RGMA: variants seen among roughly 807,000 people sequenced by gnomAD.
RGMA encodes the protein repulsive guidance molecule A.
In RGMA, 10 loss-of-function variants were observed where a neutral mutation model predicts 23.2. The observed-to-expected ratio is 0.43, with a 90% CI of 0.27 to 0.73. The LOEUF (loss-of-function observed/expected upper bound fraction) is 0.73. Ranked by LOEUF, RGMA falls within the 30% of genes least tolerant of loss-of-function variation. The pLI, the probability that RGMA is intolerant of heterozygous loss-of-function variation, is 0.20. For synonymous variants in RGMA, 308 were observed against 279.3 expected (o/e 1.10, Z -1.03); for missense variants, 547 against 630.5 (o/e 0.87, Z 1.42).
chr15:93,072,948 G>T lies in RGMA; in HGVS notation c.98C>A (p.Thr33Asn), dbSNP rs746059988. 1.2e-6 allele frequency: 2 copies of T among 1,610,926 alleles called. No individual in the cohort carries two copies. Among genetic ancestry groups the T allele is most frequent in the Admixed American group, 3.3e-5 (2 of 59,806 alleles). ...GAAGCTGCAGAGAAGGAAGGCGAGG[G>T]TCGGCCAGAATCCCAGGGCTGAACG... is the stretch of plus-strand genomic sequence containing the variant. ...AGRSALGFWP[T>N]LAFLLCSFPA... Residue 33 changes from threonine to asparagine, a missense_variant, in exon 2 of 4, where the codon ACC becomes AAC. Transcript: ENST00000329082.
Position 93,066,609 on chromosome 15 carries a change from G to C in RGMA, c.130+6307C>G, listed in dbSNP as rs536648315. 6.6e-6 allele frequency: 3 copies of C among 453,148 alleles called. No homozygotes were observed. In the East Asian group the frequency reaches 2.0e-4, roughly 30 times the overall value. 28.1% of individuals were successfully genotyped at this position (453,148 alleles called of 1,614,324 possible). ...CGCTACCACCCCGGGCATCGTCGCC[G>C]TGGGGACTGCCGTCACCACCGCCGC... is the stretch of plus-strand genomic sequence containing the variant. On this transcript the variant is annotated intron_variant, in intron 2 of 3. Coordinates refer to ENST00000329082, the MANE Select transcript of RGMA (RefSeq NM_020211.3).
chr15:93,068,187 A>G (rs1429327222), intron 2 of RGMA, among the ~76,000 whole-genome samples: 3 of 152,212 alleles, frequency 2.0e-5, no homozygotes, highest in Non-Finnish European at 4.4e-5. Context: ...AAACTGGGAT[A>G]AGTTGGCTAC....
In RGMA at chr15:93,039,034, C is replaced by G. The variant is rs958599101; in HGVS notation, c.*5964G>C. ...AACCTGGGTGGGCACCATCTAATCACCTGCCAGCGAGGCTAGGATAAAAGC... is the reference window on the plus strand; with the variant it reads ...AACCTGGGTGGGCACCATCTAATCAGCTGCCAGCGAGGCTAGGATAAAAGC... On this transcript the variant is annotated 3_prime_UTR_variant, in exon 4 of 4. Coordinates refer to ENST00000329082, the MANE Select transcript of RGMA (RefSeq NM_020211.3). The G allele has an allele frequency of 5.3e-5, 8 of 152,206 alleles. No homozygotes were observed. Among genetic ancestry groups the G allele is most frequent in the African/African-American group, 1.9e-4 (8 of 41,440 alleles). The allele number at this position is 152,206 out of a possible 1,614,324, so 9.4% of individuals were successfully genotyped here. A position where few individuals can be genotyped will look rare whatever the true frequency, so the allele number is the denominator to read the frequency against.
chr15:93,083,641 T>C (rs890647551), intron 1 of RGMA, among the ~76,000 whole-genome samples: 2 of 152,232 alleles, frequency 1.3e-5, no homozygotes, highest in African/African-American at 4.8e-5. Flanking sequence ...GAGAAGCATT[T>C]TGAAATCAGT....
intron 2 of RGMA, among the ~76,000 whole-genome samples, chr15:93,067,156 G>A (rs1033863150): frequency 6.6e-5 from 10 of 152,186 alleles, no homozygotes; most frequent in Non-Finnish European, 1.2e-4. Context: ...GGTTGTCTGT[G>A]GGAGGTTGGA....
intron 3 of RGMA, among the ~76,000 whole-genome samples, chr15:93,049,479 T>C (rs551969143): frequency 1.8e-4 from 27 of 152,264 alleles, no homozygotes; most frequent in African/African-American, 6.3e-4. Context: ...AAGAGGGTGA[T>C]GGAGCAGGAG....
chr15:93,059,839 A>G (rs761086652), intron 2 of RGMA, among the ~76,000 whole-genome samples: 6 of 152,232 alleles, frequency 3.9e-5, no homozygotes, highest in Non-Finnish European at 7.3e-5. Flanking sequence ...TATGTGCTGT[A>G]TCTTTATAAA....
rs1434568431 is a variant in RGMA, at chr15:93,037,452, G to A, written c.*7546C>T. 1 of 152,432 alleles carries A rather than the reference G, an allele frequency of 6.6e-6. No individual in the cohort carries two copies. Among genetic ancestry groups the A allele is most frequent in the Non-Finnish European group, 1.5e-5 (1 of 68,200 alleles). The allele number at this position is 152,432 out of a possible 1,614,324, so 9.4% of individuals were successfully genotyped here. A position where few individuals can be genotyped will look rare whatever the true frequency, so the allele number is the denominator to read the frequency against. On this transcript the variant is annotated 3_prime_UTR_variant, in exon 4 of 4. Coordinates refer to ENST00000329082, the MANE Select transcript of RGMA (RefSeq NM_020211.3). The surrounding 1 kb of genome is among the most constrained non-coding windows in gnomAD (Gnocchi z 4.3). ...GGCGGGGTAGGGTGGGGCTGGTCCA[G>A]TGGACAGAGCTCTTGCATCGTTTCC...
chr15:93,082,723 C>T (rs1895578134), intron 1 of RGMA, among the ~76,000 whole-genome samples: 1 of 152,174 alleles, frequency 6.6e-6, no homozygotes, highest in South Asian at 2.1e-4. Flanking sequence ...AACAATCTCC[C>T]CCATCCATCC....
At chr15:93,065,668 T>A (rs1430659779) in intron 2 of RGMA, 1 of 1,087,450 alleles carries the variant, frequency 9.2e-7, no homozygotes, top group Non-Finnish European at 1.4e-6. Context: ...GGCCGGGGCC[T>A]GCTGCCCTCT....
Position 93,036,398 on chromosome 15 carries a change from G to A in RGMA, c.*8600C>T, listed in dbSNP as rs1180025711. The A allele has an allele frequency of 1.3e-5, 2 of 152,248 alleles. No individual in the cohort carries two copies. The highest frequency in any genetic ancestry group is 2.9e-5 in the Non-Finnish European group (2 of 68,058). 9.4% of individuals were successfully genotyped at this position (152,248 alleles called of 1,614,324 possible). ...TTAAGGGATTAATCTGAGATCATTA[G>A]CAGAGAAAGGGAAGGTCAAGTCCAC... On this transcript the variant is annotated 3_prime_UTR_variant, in exon 4 of 4. Transcript: ENST00000329082.
intron 2 of RGMA, among the ~76,000 whole-genome samples, chr15:93,054,897 AG>A (rs2054988416): frequency 6.6e-6 from 1 of 152,174 alleles, no homozygotes; most frequent in Admixed American, 6.5e-5. Flanking sequence ...ACCTACCTGT[AG>A]GCTTTGAAAT....
At chr15:93,048,091 G>A (rs952807006) in intron 3 of RGMA, among the ~76,000 whole-genome samples, 8 of 152,200 alleles carry the variant, frequency 5.3e-5, no homozygotes, top group Non-Finnish European at 8.8e-5. Context: ...GAGGCCTGAG[G>A]CCTGGAAAGG....
chr15:93,065,461 A>G, intron 2 of RGMA: 1 of 432,402 alleles, frequency 2.3e-6, no homozygotes, highest in East Asian at 5.0e-5. Context: ...GAAAAGATGA[A>G]AAGCTGGTAT....
intron 2 of RGMA, among the ~76,000 whole-genome samples, chr15:93,053,999 G>A (rs563187129): frequency 1.8e-4 from 28 of 152,230 alleles, no homozygotes; most frequent in Non-Finnish European, 2.6e-4. Flanking sequence ...GGAGGCCGAG[G>A]CAGGCAGATC....
At position 93,045,812 on chromosome 15, in the gene RGMA, G is replaced by T; in HGVS notation, c.646-107C>A. The T allele has an allele frequency of 1.3e-6, 1 of 786,646 alleles. No homozygotes were observed. Among genetic ancestry groups the T allele is most frequent in the Non-Finnish European group, 2.1e-6 (1 of 480,902 alleles). 48.7% of individuals were successfully genotyped at this position (786,646 alleles called of 1,614,324 possible). On this transcript the variant is annotated intron_variant, in intron 3 of 3. Transcript: ENST00000329082. This position sits in a 1 kb window ranked among gnomAD's most constrained non-coding sequence, Gnocchi z 6.9. ...AGAGGAGGGCAGGAAGGATCCCCAG[G>T]GATGCCCCAGACACTCCCTTCTCCA...
chr15:93,084,357 T>A (rs114261372), intron 1 of RGMA, among the ~76,000 whole-genome samples: 211 of 152,370 alleles, frequency 1.4e-3, no homozygotes, highest in African/African-American at 4.8e-3. Context: ...GGCAAGGCAT[T>A]CATCAGCAAG....
At chr15:93,050,140 T>C (rs563123825) in intron 3 of RGMA, among the ~76,000 whole-genome samples, 2 of 152,322 alleles carry the variant, frequency 1.3e-5, no homozygotes, top group East Asian at 3.9e-4. Flanking sequence ...TGCCCCAGCC[T>C]CCATCGCCAG....
chr15:93,060,245 G>A (rs1323851530), intron 2 of RGMA, among the ~76,000 whole-genome samples: 5 of 152,308 alleles, frequency 3.3e-5, no homozygotes, highest in East Asian at 1.9e-4. Flanking sequence ...CCTGGGGTTC[G>A]ACCTCAGAGA....
Sources: allele counts gnomAD v4.1 joint callset (sites outside exome capture counted in the v4.1 genomes callset), GRCh38; gene constraint gnomAD v4.1.1; non-coding constraint Gnocchi (gnomAD v3.1); transcripts MANE v1.5; gene names NCBI Gene and HGNC (gene_info 2026-07-23, HGNC 2026-07-21).